The following CRACR2A variants were observed in gnomAD, a reference collection of about 807,000 sequenced individuals.
CRACR2A encodes the protein calcium release activated channel regulator 2A.
Under a neutral mutation model 90.5 loss-of-function variants are expected in CRACR2A, and 79 were observed. The ratio of observed to expected loss-of-function variants is 0.87; its 90% CI spans 0.73 to 1.05. CRACR2A has a LOEUF of 1.05. Ranked by LOEUF, CRACR2A falls within the 50% of genes least tolerant of loss-of-function variation. The probability of loss-of-function intolerance (pLI) is 0.00; values close to 1 mark genes in which losing one functional copy is unlikely to be tolerated. For missense variants in CRACR2A, 823 were observed against 897.2 expected (o/e 0.92, Z 1.06); for synonymous variants, 338 against 356.7 (o/e 0.95, Z 0.59).
At chr12:3,696,674 T>C in intron 4 of CRACR2A, 98 bp downstream of exon 4, 1 of 1,529,674 alleles carries the variant, frequency 6.5e-7, no homozygotes, top group Non-Finnish European at 8.9e-7. Flanking sequence ...TGGCATCTTT[T>C]CTGTTAAGGA....
In CRACR2A at chr12:3,733,872, GACACACACAC is replaced by G. The variant is rs56412036; in HGVS notation, c.-386-672_-386-663del. On this transcript the variant is annotated intron_variant, in intron 1 of 19. Coordinates refer to ENST00000440314, the MANE Select transcript of CRACR2A (RefSeq NM_001144958.2). Reference sequence around the variant, plus strand: ...AACCACAACATTCCCAAATTTTCAGGACACACACACACACACACACACACACACACACACA... The same window carrying G: ...AACCACAACATTCCCAAATTTTCAGGACACACACACACACACACACACACA... Among the ~76,000 whole-genome samples the G allele has an allele frequency of 7.2e-3, 977 of 136,158 alleles. 5 individuals are homozygous for G. Among genetic ancestry groups the G allele is most frequent in the African/African-American group, 0.014 (503 of 36,114 alleles). The allele number at this position is 136,158 out of a possible 152,430, so 89.3% of individuals were successfully genotyped here. A position where few individuals can be genotyped will look rare whatever the true frequency, so the allele number is the denominator to read the frequency against.
At chr12:3,656,640 T>C (rs1277699490) in intron 8 of CRACR2A, among the ~76,000 whole-genome samples, 2 of 152,062 alleles carry the variant, frequency 1.3e-5, no homozygotes, top group Non-Finnish European at 2.9e-5. Flanking sequence ...CCAGCAAGCG[T>C]GGCCATGTTC....
intron 4 of CRACR2A, among the ~76,000 whole-genome samples, chr12:3,691,440 T>C (rs992425934): frequency 7.1e-4 from 108 of 152,356 alleles, no homozygotes; most frequent in African/African-American, 2.6e-3. Context: ...GGTTGAAGTT[T>C]CTTTTATTTA....
intron 17 of CRACR2A, among the ~76,000 whole-genome samples, chr12:3,621,122 G>T (rs1159468440): frequency 6.6e-6 from 1 of 152,200 alleles, no homozygotes; most frequent in East Asian, 1.9e-4. Flanking sequence ...TTATGTGTGA[G>T]GAATGATTAA....
At chr12:3,645,876 G>T (rs1334588961) in intron 11 of CRACR2A, among the ~76,000 whole-genome samples, 1 of 152,188 alleles carries the variant, frequency 6.6e-6, no homozygotes, top group Non-Finnish European at 1.5e-5. Context: ...ACATTTGTAG[G>T]TATCTTCAAA....
chr12:3,745,346 G>A (rs1321784122), intron 1 of CRACR2A, among the ~76,000 whole-genome samples: 1 of 151,416 alleles, frequency 6.6e-6, no homozygotes, highest in Non-Finnish European at 1.5e-5. Context: ...CCACAGAAAT[G>A]AACTTCCAAG....
intron 17 of CRACR2A, among the ~76,000 whole-genome samples, chr12:3,621,572 AC>A (rs1270856605): frequency 3.6e-5 from 5 of 137,748 alleles, no homozygotes; most frequent in African/African-American, 1.1e-4. Flanking sequence ...AATTGCTTCA[AC>A]CTGGGAGGCG....
chr12:3,648,408 C>T (rs1269316486), intron 11 of CRACR2A, 134 bp downstream of exon 11: 1 of 1,572,834 alleles, frequency 6.4e-7, no homozygotes, highest in Non-Finnish European at 8.6e-7. Flanking sequence ...GCACTGGGGA[C>T]CAAGGGAATT....
intron 4 of CRACR2A, among the ~76,000 whole-genome samples, chr12:3,684,106 A>T (rs778403970): frequency 1.6e-4 from 25 of 152,338 alleles, no homozygotes; most frequent in Non-Finnish European, 8.8e-5. Flanking sequence ...GTATGGTTGC[A>T]CAGCTTCAAA....
At chr12:3,630,604 G>A (rs1299906097) in intron 15 of CRACR2A, among the ~76,000 whole-genome samples, 1 of 152,184 alleles carries the variant, frequency 6.6e-6, no homozygotes, top group Admixed American at 6.5e-5. Flanking sequence ...TGCTGGACTC[G>A]GAGTCCTGGG....
chr12:3,735,603 C>A (rs1010153800), intron 1 of CRACR2A, among the ~76,000 whole-genome samples: 1 of 152,138 alleles, frequency 6.6e-6, no homozygotes, highest in Non-Finnish European at 1.5e-5. Context: ...AGGATTAGCC[C>A]CATTTTATGG....
At position 3,633,814 on chromosome 12, in the gene CRACR2A, C is replaced by G; in HGVS notation, c.1603-78G>C. 1 of 1,536,876 alleles carries G rather than the reference C, an allele frequency of 6.5e-7. No homozygotes were observed. The highest frequency in any genetic ancestry group is 2.4e-5 in the East Asian group (1 of 40,866). On this transcript the variant is annotated intron_variant, in intron 14 of 19. Transcript: ENST00000440314. This position sits in a 1 kb window ranked among gnomAD's most constrained non-coding sequence, Gnocchi z 4.5. The stretch of plus-strand genomic sequence containing the variant: ...TGCCCCTGCCACCAGAGGCCCTTTA[C>G]CCATCCCTACAGTGGCCCTCAGGAG...
At chr12:3,647,685 T>G (rs2137421615) in intron 11 of CRACR2A, among the ~76,000 whole-genome samples, 1 of 152,344 alleles carries the variant, frequency 6.6e-6, no homozygotes, top group Middle Eastern at 3.4e-3. Flanking sequence ...CTTTTCCATT[T>G]GGTAGCATCA....
At chr12:3,715,104 A>G (rs111331385) in intron 2 of CRACR2A, among the ~76,000 whole-genome samples, 3 of 152,378 alleles carry the variant, frequency 2.0e-5, no homozygotes, top group African/African-American at 7.2e-5. Flanking sequence ...TTATTGATCT[A>G]GTCTTTACAG....
chr12:3,744,799 T>C (rs1001615322), intron 1 of CRACR2A, among the ~76,000 whole-genome samples: 6 of 152,170 alleles, frequency 3.9e-5, no homozygotes, highest in African/African-American at 1.4e-4. Context: ...TGAGACGGTA[T>C]CACTGTATGA....
intron 2 of CRACR2A, among the ~76,000 whole-genome samples, chr12:3,714,981 C>T (rs536043296): frequency 2.0e-5 from 3 of 152,330 alleles, no homozygotes; most frequent in African/African-American, 7.2e-5. Context: ...TGTAGCAGAC[C>T]TTACTTCTCT....
In CRACR2A at chr12:3,616,944, A is replaced by G. The variant is rs994954434; in HGVS notation, c.2111+10T>C. 62 of 1,548,438 alleles carry G rather than the reference A, an allele frequency of 4.0e-5. No individual in the cohort carries two copies. Among genetic ancestry groups the G allele is most frequent in the Non-Finnish European group, 4.3e-5 (49 of 1,144,174 alleles). On this transcript the variant is annotated intron_variant, in intron 19 of 19. Transcript: ENST00000440314. ...AGCAGTTACTGCACCTGGGGAGCAC[A>G]TCTCTTTACCTGGCCAGATGGAGCA...
chr12:3,733,388 C>G (rs1380570766), intron 1 of CRACR2A, among the ~76,000 whole-genome samples, 178 bp from the exon 2 acceptor site: 1 of 152,224 alleles, frequency 6.6e-6, no homozygotes, highest in Non-Finnish European at 1.5e-5. Context: ...TGACCTCCTC[C>G]CCAGCTCAGA....
chr12:3,616,261 A>G (rs573800628), intron 19 of CRACR2A, among the ~76,000 whole-genome samples: 1 of 152,378 alleles, frequency 6.6e-6, no homozygotes, highest in African/African-American at 2.4e-5. Context: ...TAAGTGCCCC[A>G]GAATGAGTGC....
Sources: gnomAD v4.1 joint callset for allele counts (sites outside exome capture counted in the v4.1 genomes callset) on GRCh38, gnomAD v4.1.1 for gene constraint, Gnocchi (gnomAD v3.1) non-coding constraint, MANE v1.5 for transcripts, NCBI Gene and HGNC (gene_info 2026-07-23, HGNC 2026-07-21) for gene names.